Variants in LIPI observed in about 807,000 individuals in gnomAD.
LIPI encodes the protein lipase I.
LIPI carries 59 observed loss-of-function variants against 50.6 expected under a neutral mutation model. The ratio of observed to expected loss-of-function variants is 1.16; its 90% CI spans 0.94 to 1.45. LIPI has a LOEUF of 1.45. Among genes scored for constraint, LIPI ranks in the 40% most tolerant of loss-of-function variants. LIPI has a pLI of 0.00. For synonymous variants in LIPI, 203 were observed against 178.2 expected (o/e 1.14, Z -1.11); for missense variants, 586 against 536.3 (o/e 1.09, Z -0.92).
intron 7 of LIPI, among the ~76,000 whole-genome samples, chr21:14,154,076 G>T (rs775746822): frequency 6.6e-6 from 1 of 151,958 alleles, no homozygotes; most frequent in Non-Finnish European, 1.5e-5. Flanking sequence ...AGATAGACAT[G>T]AATCTCTATT....
intron 9 of LIPI, among the ~76,000 whole-genome samples, chr21:14,128,279 A>T (rs918026236): frequency 6.6e-6 from 1 of 152,078 alleles, no homozygotes; most frequent in Non-Finnish European, 1.5e-5. Context: ...ATCTTCCACA[A>T]TGGGAATAAT....
At chr21:14,112,284 T>C (rs1419050082) in intron 9 of LIPI, among the ~76,000 whole-genome samples, 1 of 152,156 alleles carries the variant, frequency 6.6e-6, no homozygotes, top group African/African-American at 2.4e-5. Context: ...GTCTCTAGCT[T>C]TGTTCTTTTT....
intron 9 of LIPI, among the ~76,000 whole-genome samples, chr21:14,114,593 C>T (rs761956343): frequency 1.2e-4 from 19 of 152,066 alleles, no homozygotes; most frequent in Middle Eastern, 3.2e-3. Flanking sequence ...AGAGTATCCC[C>T]GAAACTTCAA....
intron 1 of LIPI, among the ~76,000 whole-genome samples, chr21:14,195,064 C>T (rs117263395): frequency 6.6e-6 from 1 of 152,048 alleles, no homozygotes; most frequent in Non-Finnish European, 1.5e-5. Flanking sequence ...TTCCAGACTG[C>T]TGTGTAAAAA....
intron 3 of LIPI, 74 bp downstream of exon 3, chr21:14,185,887 A>C: frequency 1.1e-6 from 1 of 935,910 alleles, no homozygotes; most frequent in Non-Finnish European, 1.7e-6. Context: ...TGTCTCAAAA[A>C]AAAAAAAATT....
At chr21:14,141,170 T>G (rs902422661) in intron 9 of LIPI, among the ~76,000 whole-genome samples, 2 of 152,150 alleles carry the variant, frequency 1.3e-5, no homozygotes, top group Non-Finnish European at 2.9e-5. Flanking sequence ...AAGGGGAATT[T>G]TTTTTTATTA....
chr21:14,190,994 C>T (rs1428250521), intron 1 of LIPI, among the ~76,000 whole-genome samples: 1 of 152,030 alleles, frequency 6.6e-6, no homozygotes, highest in Non-Finnish European at 1.5e-5. Flanking sequence ...ATATAATCAA[C>T]AAATATATCT....
In LIPI at chr21:14,161,555, ATATAT is replaced by A. The variant is rs1402976513; in HGVS notation, c.1006+1859_1006+1863del. On this transcript the variant is annotated intron_variant, in intron 7 of 9. Coordinates refer to ENST00000681601, the MANE Select transcript of LIPI (RefSeq NM_001302998.2). ...TAATATCCATATCTATTATATATTA[ATATAT>A]TATATCTATTATATATATAATATAT... Among the ~76,000 whole-genome samples the A allele has an allele frequency of 7.0e-4, 78 of 112,108 alleles. 2 individuals are homozygous for A. The highest frequency in any genetic ancestry group is 2.0e-3 in the African/African-American group (58 of 28,488). 73.5% of individuals were successfully genotyped at this position (112,108 alleles called of 152,430 possible). A position where few individuals can be genotyped will look rare whatever the true frequency, so the allele number is the denominator to read the frequency against.
chr21:14,182,038 G>A (rs1347218050), intron 3 of LIPI, among the ~76,000 whole-genome samples, 179 bp from the exon 4 acceptor site: 6 of 152,158 alleles, frequency 3.9e-5, no homozygotes, highest in Non-Finnish European at 7.4e-5. Context: ...TTCAGTATTT[G>A]AATAATACTA....
chr21:14,173,163 G>A (rs1014237249), intron 4 of LIPI, among the ~76,000 whole-genome samples: 39 of 152,324 alleles, frequency 2.6e-4, no homozygotes, highest in African/African-American at 8.7e-4. Context: ...AATACGCTCG[G>A]CGAAGAAGCC....
At chr21:14,172,665 A>C (rs926418251) in intron 4 of LIPI, among the ~76,000 whole-genome samples, 16 of 151,216 alleles carry the variant, frequency 1.1e-4, no homozygotes, top group Middle Eastern at 3.4e-3. Flanking sequence ...GAATTGAACA[A>C]TGAGAACACA....
At chr21:14,115,847 C>A (rs2016610020) in intron 9 of LIPI, among the ~76,000 whole-genome samples, 2 of 152,122 alleles carry the variant, frequency 1.3e-5, no homozygotes, top group Admixed American at 1.3e-4. Context: ...ACTTATCCAA[C>A]CCAGAGTAGC....
intron 4 of LIPI, among the ~76,000 whole-genome samples, chr21:14,181,330 T>G (rs2019261564): frequency 6.6e-6 from 1 of 152,296 alleles, no homozygotes; most frequent in Non-Finnish European, 1.5e-5. Flanking sequence ...AGGAAGACTA[T>G]TCTTTATTTG....
intron 1 of LIPI, among the ~76,000 whole-genome samples, chr21:14,194,079 A>G (rs1275918604): frequency 6.6e-6 from 1 of 152,118 alleles, no homozygotes; most frequent in African/African-American, 2.4e-5. Context: ...ACAGAAATCA[A>G]AAGTATAATG....
At chr21:14,115,694 T>C (rs914111) in intron 9 of LIPI, among the ~76,000 whole-genome samples, 103,738 of 151,930 alleles carry the variant, frequency 0.68, 35,715 homozygotes, top group East Asian at 0.94. Context: ...CCCTTGACAG[T>C]GCAAACGGAA....
At chr21:14,210,127 AT>A (rs1474808033) in intron 1 of LIPI, among the ~76,000 whole-genome samples, 2 of 152,052 alleles carry the variant, frequency 1.3e-5, no homozygotes, top group African/African-American at 4.8e-5. Context: ...ACAGAAAACT[AT>A]CATCTTGAAT....
chr21:14,210,031 T>C (rs2020324258), intron 1 of LIPI, among the ~76,000 whole-genome samples: 1 of 151,954 alleles, frequency 6.6e-6, no homozygotes, highest in Non-Finnish European at 1.5e-5. Context: ...AATTTCTAGT[T>C]AATTTTAAAG....
At chr21:14,143,143 G>A (rs2017775354) in intron 9 of LIPI, among the ~76,000 whole-genome samples, 1 of 152,174 alleles carries the variant, frequency 6.6e-6, no homozygotes, top group Non-Finnish European at 1.5e-5. Context: ...TTGGAAAAGA[G>A]AGAGTGATGA....
chr21:14,192,565 TG>T (rs142125252), intron 1 of LIPI, among the ~76,000 whole-genome samples: 1,888 of 152,266 alleles, frequency 0.012, 34 homozygotes, highest in African/African-American at 0.043. Context: ...AACATTAAAT[TG>T]ATTCAATTCT....
Sources: allele counts gnomAD v4.1 joint callset (sites outside exome capture counted in the v4.1 genomes callset), GRCh38; gene constraint gnomAD v4.1.1; transcripts MANE v1.5; gene names NCBI Gene and HGNC (gene_info 2026-07-23, HGNC 2026-07-21).